The following ARRDC5 variants were observed in gnomAD, a reference collection of about 807,000 sequenced individuals.
ARRDC5 encodes the protein arrestin domain containing 5, also known as arrestin domain-containing protein 5.
A neutral mutation model predicts 13.3 loss-of-function variants in ARRDC5; 12 were observed. The ratio of observed to expected loss-of-function variants is 0.90; its 90% CI spans 0.58 to 1.46. The LOEUF is 1.46. ARRDC5 is among the 40% of genes most tolerant of loss of function. The probability of loss-of-function intolerance (pLI) is 0.00; values close to 1 mark genes in which losing one functional copy is unlikely to be tolerated. For missense variants in ARRDC5, 406 were observed against 418.7 expected (o/e 0.97, Z 0.26); for synonymous variants, 181 against 173.4 (o/e 1.04, Z -0.34).
At position 4,896,360 on chromosome 19, in the gene ARRDC5, T is replaced by TA. The variant is rs1568396021; in HGVS notation, c.459+310_459+311insT. ...TATATATATATATATTTTTTTTTTT[T>TA]TACACACACACACACACACACACAC... On this transcript the variant is annotated intron_variant, in intron 2 of 2. Transcript: ENST00000650722. Among the ~76,000 whole-genome samples, 115 of 70,290 alleles carry TA rather than the reference T, an allele frequency of 1.6e-3. 1 individual carries two copies. The highest frequency in any genetic ancestry group is 7.3e-3 in the South Asian group (14 of 1,914). 46.1% of individuals were successfully genotyped at this position (70,290 alleles called of 152,430 possible).
the ARRDC5 span, among the ~76,000 whole-genome samples, chr19:4,915,817 AGTTGGTGT>A: frequency 6.6e-6 from 1 of 152,160 alleles, no homozygotes; most frequent in Non-Finnish European, 1.5e-5. Flanking sequence ...ATCCAGCCTC[AGTTGGTGT>A]GTCTGGGTTT....
chr19:4,912,968 C>T, the ARRDC5 span, among the ~76,000 whole-genome samples: 1 of 151,970 alleles, frequency 6.6e-6, no homozygotes, highest in Non-Finnish European at 1.5e-5. Context: ...TTATATTGCC[C>T]AGGGTGGTCT....
chr19:4,915,253 C>T, the ARRDC5 span, among the ~76,000 whole-genome samples: 1 of 152,168 alleles, frequency 6.6e-6, no homozygotes, highest in Admixed American at 6.5e-5. Flanking sequence ...GGGAGGGTCC[C>T]CACCACCAGC....
At chr19:4,894,721 A>AAGG in intron 2 of ARRDC5, among the ~76,000 whole-genome samples, 2 of 139,720 alleles carry the variant, frequency 1.4e-5, no homozygotes, top group East Asian at 4.7e-4. Context: ...GGAGAAGGAG[A>AAGG]AGAAGAAGAA....
At chr19:4,915,435 G>T in the ARRDC5 span, among the ~76,000 whole-genome samples, 8 of 152,192 alleles carry the variant, frequency 5.3e-5, no homozygotes, top group African/African-American at 1.2e-4. Context: ...CAGGTATGGC[G>T]GGGCCCAGTG....
upstream of ARRDC5, chr19:4,902,987 A>T: frequency 6.7e-6 from 6 of 890,150 alleles, no homozygotes; most frequent in East Asian, 5.3e-5. Context: ...ACTGTTGTTT[A>T]GGGTGGGTGG....
At chr19:4,898,352 T>C (rs1729920917) in intron 1 of ARRDC5, among the ~76,000 whole-genome samples, 2 of 152,056 alleles carry the variant, frequency 1.3e-5, no homozygotes, top group African/African-American at 2.4e-5. Context: ...CTAGGGACCC[T>C]GTCTCTTTCT....
At chr19:4,897,833 T>G (rs1599216884) in intron 1 of ARRDC5, among the ~76,000 whole-genome samples, 2 of 152,194 alleles carry the variant, frequency 1.3e-5, no homozygotes, top group African/African-American at 4.8e-5. Flanking sequence ...ACGCCTGCAA[T>G]CCCAGCACTT....
intron 2 of ARRDC5, among the ~76,000 whole-genome samples, chr19:4,895,625 C>G (rs2031686262): frequency 6.6e-6 from 1 of 152,080 alleles, no homozygotes; most frequent in African/African-American, 2.4e-5. Flanking sequence ...GAGTCCTTCA[C>G]TCAGCCAAGC....
intron 1 of ARRDC5, among the ~76,000 whole-genome samples, chr19:4,900,782 G>A (rs1431298302): frequency 6.6e-6 from 1 of 152,156 alleles, no homozygotes; most frequent in Admixed American, 6.6e-5. Flanking sequence ...CACTTTGGGA[G>A]GCCAAGGTGG....
intron 2 of ARRDC5, among the ~76,000 whole-genome samples, chr19:4,895,619 C>T (rs1386953624): frequency 1.3e-5 from 2 of 152,032 alleles, no homozygotes; most frequent in Non-Finnish European, 2.9e-5. Context: ...CAGAACGAGT[C>T]CTTCACTCAG....
At chr19:4,903,029 C>CTTTTTCACTGGTTA, upstream of ARRDC5, 1 of 448,158 alleles carries the variant, frequency 2.2e-6, no homozygotes, top group Non-Finnish European at 4.0e-6. Context: ...CTCACTGGTT[C>CTTTTTCACTGGTTA]TTTTTTTTTT....
At chr19:4,916,305 CAA>C in the ARRDC5 span, among the ~76,000 whole-genome samples, 6 of 124,574 alleles carry the variant, frequency 4.8e-5, no homozygotes, top group Admixed American at 8.3e-5. Flanking sequence ...GACTTTGTCT[CAA>C]AAAAAAAAAA....
intron 1 of ARRDC5, 66 bp from the exon 2 acceptor site, chr19:4,896,942 T>C: frequency 8.5e-7 from 1 of 1,173,228 alleles, no homozygotes; most frequent in Non-Finnish European, 1.2e-6. Flanking sequence ...TCTTCTTTTT[T>C]TTTTTGCTTT....
chr19:4,897,091 C>T (rs1037073085), intron 1 of ARRDC5, among the ~76,000 whole-genome samples: 3 of 151,960 alleles, frequency 2.0e-5, no homozygotes, highest in Non-Finnish European at 2.9e-5. Context: ...TGAGTAGCTG[C>T]GACTACAGGC....
At chr19:4,904,029 T>C (rs1336454473), upstream of ARRDC5, among the ~76,000 whole-genome samples, 1 of 151,910 alleles carries the variant, frequency 6.6e-6, no homozygotes, top group Non-Finnish European at 1.5e-5. Context: ...CAGGCTGGAG[T>C]GCAGTGGCGT....
intron 2 of ARRDC5, among the ~76,000 whole-genome samples, chr19:4,896,361 T>TTACACACAC (rs761253103): frequency 4.7e-5 from 4 of 84,956 alleles, no homozygotes; most frequent in African/African-American, 1.7e-4. Flanking sequence ...TTTTTTTTTT[T>TTACACACAC]ACACACACAC....
At position 4,890,888 on chromosome 19, in the gene ARRDC5, G is replaced by T; in HGVS notation, c.*158C>A. The T allele has an allele frequency of 1.6e-6, 1 of 628,402 alleles. No individual in the cohort carries two copies. 38.9% of individuals were successfully genotyped at this position (628,402 alleles called of 1,614,324 possible). ...TTCCAGGCATTCAGTGATAGTTCTA[G>T]GGAGGGGAGACACAGATACCTAAAC... is the stretch of plus-strand genomic sequence containing the variant. On this transcript the variant is annotated 3_prime_UTR_variant, in exon 3 of 3. Transcript: ENST00000650722.
rs1599204528 is a variant in ARRDC5 at position 4,891,000 on chromosome 19, C to T, written c.*46G>A. ...ACCTGTGCAAGAGAGAGGGCTTCCT[C>T]CTGGTAGAGACTAATAAAGCTTTTA... is the stretch of plus-strand genomic sequence containing the variant. On this transcript the variant is annotated 3_prime_UTR_variant, in exon 3 of 3. Coordinates refer to ENST00000650722, the MANE Select transcript of ARRDC5 (RefSeq NM_001080523.3). 6.6e-7 allele frequency: 1 copy of T among 1,526,462 alleles called. No homozygotes were observed. Among genetic ancestry groups the T allele is most frequent in the East Asian group, 2.3e-5 (1 of 43,932 alleles). The allele number at this position is 1,526,462 out of a possible 1,614,324, so 94.6% of individuals were successfully genotyped here. A position where few individuals can be genotyped will look rare whatever the true frequency, so the allele number is the denominator to read the frequency against.
Sources: gnomAD v4.1 joint callset for allele counts (sites outside exome capture counted in the v4.1 genomes callset) on GRCh38, gnomAD v4.1.1 for gene constraint, MANE v1.5 for transcripts, NCBI Gene and HGNC (gene_info 2026-07-23, HGNC 2026-07-21) for gene names.